The following SH3D21 variants were observed in gnomAD, a reference collection of about 807,000 sequenced individuals.
The protein encoded by SH3D21 is manchette microtubule inner protein 1, also known as SH3 domain-containing protein 21.
Under a neutral mutation model 82.1 loss-of-function variants are expected in SH3D21, and 83 were observed. The observed-to-expected ratio is 1.01, with a 90% CI of 0.85 to 1.21. The LOEUF (loss-of-function observed/expected upper bound fraction) is 1.21. Ranked by LOEUF, SH3D21 falls within the 50% of genes most tolerant of loss-of-function variation. The pLI is 0.00. For missense variants in SH3D21, 980 were observed against 962.1 expected (o/e 1.02, Z -0.25); for synonymous variants, 383 against 387.8 (o/e 0.99, Z 0.15).
intron 8 of SH3D21, 55 bp downstream of exon 8, chr1:36,308,264 G>T: frequency 1.4e-6 from 2 of 1,467,678 alleles, no homozygotes; most frequent in South Asian, 1.3e-5. Context: ...AGAAAGGGTA[G>T]ACCTGCACAT....
At position 36,309,528 on chromosome 1, in the gene SH3D21, T is replaced by C; in HGVS notation, c.727-20T>C. 2 of 1,551,398 alleles carry C rather than the reference T, an allele frequency of 1.3e-6. No homozygotes were observed. The highest frequency in any genetic ancestry group is 1.7e-6 in the Non-Finnish European group (2 of 1,146,806). Reference sequence around the variant, plus strand: ...ATTTTTAGATTAAGGATGCTCAACCTTTACTTCTTTTCGGCATAGATCAAG... The same window carrying C: ...ATTTTTAGATTAAGGATGCTCAACCCTTACTTCTTTTCGGCATAGATCAAG... On this transcript the variant is annotated intron_variant, in intron 9 of 15. Coordinates refer to ENST00000453908, the MANE Select transcript of SH3D21 (RefSeq NM_001162530.2).
chr1:36,329,098 G>C (rs774865938), downstream of SH3D21: 5 of 152,272 alleles, frequency 3.3e-5, no homozygotes, highest in Admixed American at 6.5e-5. Context: ...AATGCTTGCT[G>C]TTGCTCCCTT....
At chr1:36,322,491 G>C (rs1355874765), downstream of SH3D21, 3 of 1,603,592 alleles carry the variant, frequency 1.9e-6, no homozygotes, top group Non-Finnish European at 1.7e-6. Flanking sequence ...CGGCTCTGCG[G>C]ACAGCTCGGG....
rs982935664 is a variant in SH3D21 at position 36,306,597 on chromosome 1, G to T, written c.5-1G>T. The T allele has an allele frequency of 3.5e-5, 45 of 1,302,690 alleles. No individual in the cohort carries two copies. The highest frequency in any genetic ancestry group is 4.1e-5 in the Non-Finnish European group (41 of 988,614). The allele number at this position is 1,302,690 out of a possible 1,614,324, so 80.7% of individuals were successfully genotyped here. A position where few individuals can be genotyped will look rare whatever the true frequency, so the allele number is the denominator to read the frequency against. ...ACGCCGGCCCCGTCTTCCGCCCGCA[G>T]AAGTCCTCGTCCTGGCCGGATACCG... On this transcript the variant is annotated splice_acceptor_variant, in intron 1 of 15. Transcript: ENST00000453908. LOFTEE classifies it high-confidence loss of function. The surrounding 1 kb of genome is among the most constrained non-coding windows in gnomAD (Gnocchi z 4.5).
downstream of SH3D21, among the ~76,000 whole-genome samples, chr1:36,327,426 C>A (rs1178665537): frequency 6.6e-6 from 1 of 152,208 alleles, no homozygotes; most frequent in Non-Finnish European, 1.5e-5. Flanking sequence ...TGCCTCAGTT[C>A]ATGTGGCACA....
chr1:36,321,228 G>A lies in SH3D21; in HGVS notation c.*101G>A. The A allele has an allele frequency of 2.0e-6, 3 of 1,500,374 alleles. No individual in the cohort carries two copies. The highest frequency in any genetic ancestry group is 2.7e-6 in the Non-Finnish European group (3 of 1,124,412). The allele number at this position is 1,500,374 out of a possible 1,614,324, so 92.9% of individuals were successfully genotyped here. ...CGAGAAAGTAAACTCTGCCTAGCACGGCGCCACGCCGGTCTGGTCGCTGGG... is the reference window on the plus strand; with the variant it reads ...CGAGAAAGTAAACTCTGCCTAGCACAGCGCCACGCCGGTCTGGTCGCTGGG... On this transcript the variant is annotated 3_prime_UTR_variant, in exon 16 of 16. Transcript: ENST00000453908. The surrounding 1 kb of genome is among the most constrained non-coding windows in gnomAD (Gnocchi z 6.1).
chr1:36,321,393 CG>C, downstream of SH3D21: 2 of 466,498 alleles, frequency 4.3e-6, no homozygotes, highest in Non-Finnish European at 6.8e-6. The surrounding 1 kb of genome is among the most constrained non-coding windows in gnomAD (Gnocchi z 6.1). Flanking sequence ...TGGTGAGGGG[CG>C]GGGGAGGGTG....
At position 36,320,213 on chromosome 1, in the gene SH3D21, A is replaced by G. The variant is rs1646422766; in HGVS notation, c.1550A>G (p.Tyr517Cys). 6.2e-7 allele frequency: 1 copy of G among 1,613,158 alleles called. No individual in the cohort carries two copies. Among genetic ancestry groups the G allele is most frequent in the Non-Finnish European group, 8.5e-7 (1 of 1,180,032 alleles). ...GAGGAAGCCCTGCAGAAGGTCAAGT[A>G]CTTTGTAGCCAAAGAGGATCCATCA... ...SSEEALQKVK[Y>C]FVAKEDPSSQ... Residue 517 changes from tyrosine to cysteine, a missense_variant, in exon 14 of 16, where the codon TAC (tyrosine) becomes TGC (cysteine). By Grantham distance (194) the Tyr-to-Cys change is radical. Coordinates refer to ENST00000453908, the MANE Select transcript of SH3D21 (RefSeq NM_001162530.2).
At position 36,307,014 on chromosome 1, in the gene SH3D21, G is replaced by A; in HGVS notation, c.226+109G>A. 2 of 1,418,016 alleles carry A rather than the reference G, an allele frequency of 1.4e-6. No individual in the cohort carries two copies. Among genetic ancestry groups the A allele is most frequent in the Non-Finnish European group, 1.9e-6 (2 of 1,080,038 alleles). 87.8% of individuals were successfully genotyped at this position (1,418,016 alleles called of 1,614,324 possible). The stretch of plus-strand genomic sequence containing the variant: ...GCGCGGCTCTGGGCGGGACCTCGGG[G>A]CCGCCCTGCGGTCTGTGATTGGTTC... On this transcript the variant is annotated intron_variant, in intron 3 of 15. Transcript: ENST00000453908. This position sits in a 1 kb window ranked among gnomAD's most constrained non-coding sequence, Gnocchi z 5.4.
At chr1:36,326,126 C>G (rs562640722), downstream of SH3D21, among the ~76,000 whole-genome samples, 1 of 152,192 alleles carries the variant, frequency 6.6e-6, no homozygotes, top group Non-Finnish European at 1.5e-5. Context: ...TACCTCCCTC[C>G]AAGGGAAGAA....
At chr1:36,327,894 T>G, downstream of SH3D21, 1 of 1,287,842 alleles carries the variant, frequency 7.8e-7, no homozygotes, top group Non-Finnish European at 1.0e-6. Flanking sequence ...CTTGACTGCC[T>G]GCTGCTCCCC....
chr1:36,321,511 C>A, downstream of SH3D21: 1 of 793,414 alleles, frequency 1.3e-6, no homozygotes, highest in Non-Finnish European at 1.6e-6. This position sits in a 1 kb window ranked among gnomAD's most constrained non-coding sequence, Gnocchi z 6.1. Flanking sequence ...AGCTGTGCGC[C>A]GGGGAGGAGC....
downstream of SH3D21, chr1:36,328,592 G>T: frequency 1.6e-5 from 3 of 186,550 alleles, no homozygotes; most frequent in Non-Finnish European, 3.4e-5. Flanking sequence ...GCAACATGGC[G>T]AAACCCCATT....
At chr1:36,323,667 CGGGCGGGGAGGCGGGGA>C (rs1256869382), downstream of SH3D21, 2 of 151,014 alleles carry the variant, frequency 1.3e-5, no homozygotes, top group African/African-American at 2.4e-5. Context: ...CGGGGCGGGG[CGGGCGGGGAGGCGGGGA>C]GGAAAAGGGC....
downstream of SH3D21, chr1:36,323,362 C>T: frequency 3.6e-6 from 1 of 279,402 alleles, no homozygotes; most frequent in Non-Finnish European, 6.7e-6. Context: ...GGACGCTGAG[C>T]CTCCACGCCC....
intron 9 of SH3D21, among the ~76,000 whole-genome samples, chr1:36,308,969 AAGAT>A (rs1646185816): frequency 6.6e-6 from 1 of 152,140 alleles, no homozygotes; most frequent in Non-Finnish European, 1.5e-5. Flanking sequence ...AAAAAAAAAA[AAGAT>A]AGCTTGGGAA....
chr1:36,327,520 T>C (rs1646556901), downstream of SH3D21, among the ~76,000 whole-genome samples: 1 of 152,236 alleles, frequency 6.6e-6, no homozygotes, highest in Non-Finnish European at 1.5e-5. Context: ...GCTGTTTCCA[T>C]GCACCTCTGT....
chr1:36,319,035 G>A (rs1452424211), intron 10 of SH3D21, 36 bp from the exon 11 acceptor site: 6 of 1,295,156 alleles, frequency 4.6e-6, no homozygotes, highest in Non-Finnish European at 6.6e-6. Flanking sequence ...GCTAGCGACT[G>A]TCAGATGGAT....
Position 36,307,185 on chromosome 1 carries a change from C to G in SH3D21, c.245C>G (p.Pro82Arg). The G allele has an allele frequency of 6.4e-7, 1 of 1,551,686 alleles. No individual in the cohort carries two copies. Among genetic ancestry groups the G allele is most frequent in the South Asian group, 1.2e-5 (1 of 84,044 alleles). The change falls in exon 4 of 16, where the codon CCG becomes CGG. Residue 82 changes from proline (P) to arginine (R), a missense_variant. Coordinates refer to ENST00000453908, the MANE Select transcript of SH3D21 (RefSeq NM_001162530.2). The surrounding 1 kb of genome is among the most constrained non-coding windows in gnomAD (Gnocchi z 5.4). ...GTGCTAGGTCATCCTGCCAAACACCCGAGGCCCCAAAGATGGTGCAAAGTG... is the reference window on the plus strand; with the variant it reads ...GTGCTAGGTCATCCTGCCAAACACCGGAGGCCCCAAAGATGGTGCAAAGTG... Reference protein sequence around the residue: ...ARRRGHPAKHPRPQRWCKVNF... With the variant: ...ARRRGHPAKHRRPQRWCKVNF...
Sources: allele counts gnomAD v4.1 joint callset (sites outside exome capture counted in the v4.1 genomes callset), GRCh38; gene constraint gnomAD v4.1.1; non-coding constraint Gnocchi (gnomAD v3.1); transcripts MANE v1.5; gene names NCBI Gene and HGNC (gene_info 2026-07-23, HGNC 2026-07-21).